The following ADCY9 variants were observed in gnomAD, a reference collection of about 807,000 sequenced individuals.
ADCY9 encodes adenylate cyclase type 9.
ADCY9 carries 50 observed loss-of-function variants against 101.5 expected under a neutral mutation model. The ratio of observed to expected loss-of-function variants is 0.49; its 90% CI spans 0.39 to 0.62. The LOEUF (loss-of-function observed/expected upper bound fraction) is 0.62. Among genes scored for constraint, ADCY9 ranks in the 20% least tolerant of loss-of-function variants. The pLI is 0.00. For missense variants in ADCY9, 1,662 were observed against 1,800.4 expected (o/e 0.92, Z 1.39); for synonymous variants, 905 against 769.3 (o/e 1.18, Z -2.92).
intron 2 of ADCY9, among the ~76,000 whole-genome samples, chr16:4,101,537 C>T (rs962094316): frequency 3.3e-5 from 5 of 152,132 alleles, no homozygotes; most frequent in Non-Finnish European, 5.9e-5. Flanking sequence ...CCTTGGCCTT[C>T]CAAAGTGCTG....
At chr16:4,095,009 T>C (rs59263231) in intron 2 of ADCY9, among the ~76,000 whole-genome samples, 22 of 2,316 alleles carry the variant, frequency 9.5e-3, no homozygotes, top group African/African-American at 0.019. Flanking sequence ...GACATTTAAT[T>C]TTTTTTTTTT....
At chr16:3,960,172 C>T (rs998929959), downstream of ADCY9, among the ~76,000 whole-genome samples, 5 of 152,092 alleles carry the variant, frequency 3.3e-5, no homozygotes, top group East Asian at 1.9e-4. Context: ...CTCTGGTTAC[C>T]GTGGATCAGG....
At chr16:4,001,635 G>A (rs1165962246) in intron 3 of ADCY9, among the ~76,000 whole-genome samples, 2 of 152,068 alleles carry the variant, frequency 1.3e-5, no homozygotes, top group Non-Finnish European at 2.9e-5. Flanking sequence ...TGCAGCCTCT[G>A]CCTCCCAGAC....
intron 4 of ADCY9, chr16:3,993,203 C>A (rs141262128): frequency 2.4e-6 from 2 of 826,168 alleles, no homozygotes; most frequent in South Asian, 1.9e-5. Context: ...AGCCCCTGAG[C>A]GCTGGTTTCC....
chr16:3,971,679 C>T (rs138961354), intron 10 of ADCY9, among the ~76,000 whole-genome samples: 2 of 152,094 alleles, frequency 1.3e-5, no homozygotes, highest in Non-Finnish European at 1.5e-5. Context: ...TTGTGAGCCC[C>T]GCTCGTTGGG....
rs371843955 is a variant in ADCY9, at chr16:4,114,123, G to A, written c.1320C>T (p.Thr440=). The change falls in exon 2 of 11, where the codon ACC becomes ACT. Residue 440 remains threonine, a synonymous_variant. Transcript: ENST00000294016. The surrounding 1 kb of genome is among the most constrained non-coding windows in gnomAD (Gnocchi z 4.3). ...CEETKCEKIS[T]LGDCYYCVAG... ...CCACGCAGTAGTAACAGTCTCCCAGGGTGCTGATTTTCTCACACTTGGTCT... is the reference window on the plus strand; with the variant it reads ...CCACGCAGTAGTAACAGTCTCCCAGAGTGCTGATTTTCTCACACTTGGTCT... 12 of 1,613,830 alleles carry A rather than the reference G, an allele frequency of 7.4e-6. No homozygotes were observed. The African/African-American group carries it at 1.2e-4, about 16-fold the overall frequency.
At chr16:3,982,802 C>A (rs117314874) in intron 7 of ADCY9, 2 of 173,676 alleles carry the variant, frequency 1.2e-5, no homozygotes, top group Non-Finnish European at 2.4e-5. Context: ...GGCGTCACAT[C>A]CAAGAGACCA....
At chr16:4,092,975 G>GT (rs1230229180) in intron 2 of ADCY9, among the ~76,000 whole-genome samples, 2 of 152,072 alleles carry the variant, frequency 1.3e-5, no homozygotes, top group African/African-American at 4.8e-5. Flanking sequence ...AATGATCTCA[G>GT]TTTTTTTAAA....
At chr16:3,955,039 G>C (rs946697574) in intron 5 of ADCY9, among the ~76,000 whole-genome samples, 3 of 152,084 alleles carry the variant, frequency 2.0e-5, no homozygotes, top group Admixed American at 6.6e-5. Context: ...GAAATGAGGG[G>C]CTGAAAAGAA....
intron 2 of ADCY9, 110 bp from the exon 3 acceptor site, chr16:4,007,668 G>A (rs1292250205): frequency 1.2e-6 from 1 of 862,368 alleles, no homozygotes; most frequent in African/African-American, 1.7e-5. Context: ...TGAGAGTAAA[G>A]TGAAAATGTG....
intron 2 of ADCY9, among the ~76,000 whole-genome samples, chr16:4,022,466 G>A (rs1028815005): frequency 7.3e-6 from 1 of 137,734 alleles, no homozygotes; most frequent in Non-Finnish European, 1.5e-5. Context: ...ACTCCAGCCT[G>A]GGCACCAGAG....
chr16:4,048,919 C>A (rs1368916351), intron 2 of ADCY9, among the ~76,000 whole-genome samples: 1 of 152,158 alleles, frequency 6.6e-6, no homozygotes, highest in African/African-American at 2.4e-5. Context: ...CCCCTGGTCT[C>A]CAGCTCACAA....
chr16:3,990,907 C>T lies in ADCY9; in HGVS notation c.2207+1239G>A, dbSNP rs536816102. Among the ~76,000 whole-genome samples the T allele has an allele frequency of 2.4e-3, 372 of 152,322 alleles. 2 individuals are homozygous for T. The highest frequency in any genetic ancestry group is 3.9e-3 in the South Asian group (19 of 4,824). ...CTCTGCCTCCTGGGTTCAAGCGATT[C>T]TCCTACCTCAGCCTCCTGAGTAGCT... On this transcript the variant is annotated intron_variant, in intron 5 of 10. Coordinates refer to ENST00000294016, the MANE Select transcript of ADCY9 (RefSeq NM_001116.4).
chr16:3,989,963 T>C (rs918886634), intron 5 of ADCY9, among the ~76,000 whole-genome samples: 4 of 152,240 alleles, frequency 2.6e-5, no homozygotes, highest in African/African-American at 4.8e-5. Context: ...ATGTGAAACC[T>C]GCAGAATGAT....
At chr16:4,086,817 G>A (rs956971565) in intron 2 of ADCY9, among the ~76,000 whole-genome samples, 2 of 151,874 alleles carry the variant, frequency 1.3e-5, no homozygotes, top group African/African-American at 4.8e-5. Context: ...GCGCCACCAC[G>A]CCCGGCTAAT....
intron 3 of ADCY9, among the ~76,000 whole-genome samples, chr16:4,000,311 G>A (rs936676609): frequency 1.6e-4 from 24 of 152,172 alleles, no homozygotes; most frequent in African/African-American, 4.8e-4. Context: ...CACACGGTAC[G>A]GTCGGAACCG....
intron 10 of ADCY9, among the ~76,000 whole-genome samples, chr16:3,970,915 T>G (rs1332414036): frequency 6.6e-6 from 1 of 152,076 alleles, no homozygotes; most frequent in Non-Finnish European, 1.5e-5. Flanking sequence ...AGCCTAAGGT[T>G]CCGTGCAGGA....
At chr16:4,112,319 T>A (rs964687589) in intron 2 of ADCY9, among the ~76,000 whole-genome samples, 2 of 152,244 alleles carry the variant, frequency 1.3e-5, no homozygotes, top group Non-Finnish European at 1.5e-5. Flanking sequence ...GTTAGGGGAA[T>A]TCTCGGGTGA....
chr16:4,012,824 C>A (rs1214941057), intron 2 of ADCY9, among the ~76,000 whole-genome samples: 2 of 152,264 alleles, frequency 1.3e-5, no homozygotes, highest in East Asian at 3.9e-4. Context: ...ACTGACAAAG[C>A]CCATTTTGGA....
Sources: allele counts gnomAD v4.1 joint callset (sites outside exome capture counted in the v4.1 genomes callset), GRCh38; gene constraint gnomAD v4.1.1; non-coding constraint Gnocchi (gnomAD v3.1); transcripts MANE v1.5; gene names NCBI Gene and HGNC (gene_info 2026-07-23, HGNC 2026-07-21).